GOLGB1: variants seen among roughly 807,000 people sequenced by gnomAD.
The protein encoded by GOLGB1 is golgin B1.
GOLGB1 carries 174 observed loss-of-function variants against 336.9 expected under a neutral mutation model. The ratio of observed to expected loss-of-function variants is 0.52; its 90% CI spans 0.46 to 0.59. GOLGB1 has a LOEUF of 0.59. GOLGB1 is among the 20% of genes least tolerant of loss of function. The pLI is 0.00. For synonymous variants in GOLGB1, 1,208 were observed against 1,289.2 expected (o/e 0.94, Z 1.35); for missense variants, 3,331 against 3,645.3 (o/e 0.91, Z 2.22).
chr3:121,731,940 A>C (rs1946150810), intron 1 of GOLGB1, among the ~76,000 whole-genome samples: 1 of 152,116 alleles, frequency 6.6e-6, no homozygotes, highest in Admixed American at 6.5e-5. Flanking sequence ...GATGACCAAG[A>C]AAAAAACAGA....
rs767513458 is a variant in GOLGB1, at chr3:121,696,437, C to G, written c.4086G>C (p.Lys1362Asn). 2 of 1,614,048 alleles carry G rather than the reference C, an allele frequency of 1.2e-6. No individual in the cohort carries two copies. Among genetic ancestry groups the G allele is most frequent in the Admixed American group, 1.7e-5 (1 of 60,030 alleles). The change falls in exon 13 of 22, where the codon AAG becomes AAC. Residue 1362 changes from lysine to asparagine, a missense_variant. Transcript: ENST00000614479. Reference protein sequence around the residue: ...NKQGLEIESLKTVSHEAEVHA... With the variant: ...NKQGLEIESLNTVSHEAEVHA... ...GGACTTCAGCTTCATGGGATACTGT[C>G]TTTAGACTCTCGATTTCTAAACCCT...
chr3:121,683,795 C>T (rs539242440), intron 14 of GOLGB1, among the ~76,000 whole-genome samples: 1 of 151,920 alleles, frequency 6.6e-6, no homozygotes, highest in Admixed American at 6.5e-5. Context: ...TATAAGAAAA[C>T]GTCAAAAAAC....
At chr3:121,673,643 T>G (rs997749208) in intron 17 of GOLGB1, among the ~76,000 whole-genome samples, 10 of 152,190 alleles carry the variant, frequency 6.6e-5, no homozygotes, top group Non-Finnish European at 1.3e-4. Flanking sequence ...TTAAATTGAT[T>G]CCTAAGTATT....
chr3:121,689,413 G>A (rs1470022679), intron 14 of GOLGB1, among the ~76,000 whole-genome samples: 1 of 151,016 alleles, frequency 6.6e-6, no homozygotes, highest in Non-Finnish European at 1.5e-5. Flanking sequence ...GATTAAGGGC[G>A]GTGCAAGATG....
At chr3:121,700,639 C>A (rs1051175492) in intron 11 of GOLGB1, among the ~76,000 whole-genome samples, 3 of 152,068 alleles carry the variant, frequency 2.0e-5, no homozygotes, top group Non-Finnish European at 2.9e-5. Flanking sequence ...TGTATTGCCC[C>A]CTTTTTGTTC....
intron 9 of GOLGB1, among the ~76,000 whole-genome samples, chr3:121,715,992 C>T (rs76692414): frequency 7.1e-6 from 1 of 141,138 alleles, no homozygotes; most frequent in Admixed American, 7.2e-5. Flanking sequence ...AACTCTGTCA[C>T]AAAAAAAAAA....
intron 15 of GOLGB1, among the ~76,000 whole-genome samples, chr3:121,678,968 T>C (rs1940747487): frequency 6.6e-6 from 1 of 152,108 alleles, no homozygotes; most frequent in Non-Finnish European, 1.5e-5. Context: ...AATCTTGGGA[T>C]TAAATTTGTC....
At position 121,695,999 on chromosome 3, in the gene GOLGB1, T is replaced by C; in HGVS notation, c.4524A>G (p.Gln1508=). ...TACCTCTGGCCAAAGACAATTCCTC[T>C]TGGAGACTTTTGTTTTCTTTTAGTG... ...KEALKENKSL[Q]EELSLARGTI... Residue 1508 remains glutamine, a synonymous_variant, in exon 13 of 22, where the codon CAA becomes CAG. Transcript: ENST00000614479. 6.2e-7 allele frequency: 1 copy of C among 1,614,148 alleles called. No individual in the cohort carries two copies. The highest frequency in any genetic ancestry group is 1.3e-5 in the African/African-American group (1 of 75,058).
At chr3:121,731,349 G>T (rs1946099232) in intron 1 of GOLGB1, among the ~76,000 whole-genome samples, 2 of 151,608 alleles carry the variant, frequency 1.3e-5, no homozygotes, top group African/African-American at 2.4e-5. Flanking sequence ...TTACAAACAT[G>T]AATTTCTTTT....
At chr3:121,674,922 G>A (rs1307518047) in intron 17 of GOLGB1, among the ~76,000 whole-genome samples, 4 of 142,626 alleles carry the variant, frequency 2.8e-5, no homozygotes, top group Admixed American at 7.5e-5. Flanking sequence ...TGCAAGCTCC[G>A]CTTCCCGGGT....
In GOLGB1 at chr3:121,718,526, A is replaced by G. The variant is rs1269523640; in HGVS notation, c.772-25T>C. ...TCTGAGAAGAAAACATTTTAGACAT[A>G]ATATGCTAACAAATGAGTGCTTGTA... On this transcript the variant is annotated intron_variant, in intron 7 of 21. Coordinates refer to ENST00000614479, the MANE Select transcript of GOLGB1 (RefSeq NM_001366282.2). The G allele has an allele frequency of 4.2e-6, 6 of 1,412,012 alleles. No individual in the cohort carries two copies. The Admixed American group carries it at 6.8e-5, about 16-fold the overall frequency. 87.5% of individuals were successfully genotyped at this position (1,412,012 alleles called of 1,614,324 possible).
intron 15 of GOLGB1, among the ~76,000 whole-genome samples, chr3:121,679,744 G>A (rs911667713): frequency 6.6e-6 from 1 of 152,148 alleles, no homozygotes; most frequent in Non-Finnish European, 1.5e-5. Context: ...TATGGAGCTT[G>A]GACTCTTACA....
At chr3:121,673,046 T>C (rs1939773239) in intron 17 of GOLGB1, among the ~76,000 whole-genome samples, 1 of 151,956 alleles carries the variant, frequency 6.6e-6, no homozygotes, top group African/African-American at 2.4e-5. Context: ...GCTTCCAGCT[T>C]TGTTTTGTGT....
intron 2 of GOLGB1, chr3:121,730,273 A>C: frequency 3.0e-6 from 1 of 330,718 alleles, no homozygotes; most frequent in Non-Finnish European, 5.5e-6. Context: ...AAATAAAGGA[A>C]AGCAAAAATC....
chr3:121,704,345 A>G (rs910687760), intron 10 of GOLGB1, among the ~76,000 whole-genome samples: 1 of 152,184 alleles, frequency 6.6e-6, no homozygotes, highest in African/African-American at 2.4e-5. Context: ...AGTACTTCAT[A>G]GACAAGGATA....
chr3:121,689,313 A>T (rs1381116897), intron 14 of GOLGB1, among the ~76,000 whole-genome samples: 3 of 151,790 alleles, frequency 2.0e-5, no homozygotes, highest in Non-Finnish European at 4.4e-5. Flanking sequence ...CTAAGAAAAA[A>T]TCTTCGGCCT....
intron 14 of GOLGB1, among the ~76,000 whole-genome samples, chr3:121,684,951 G>A (rs896161536): frequency 6.6e-6 from 1 of 152,180 alleles, no homozygotes; most frequent in Non-Finnish European, 1.5e-5. Flanking sequence ...GGTACTCCAG[G>A]AGAATTTTCT....
At chr3:121,729,617 A>C (rs769571160) in intron 3 of GOLGB1, among the ~76,000 whole-genome samples, 1 of 151,876 alleles carries the variant, frequency 6.6e-6, no homozygotes, top group Non-Finnish European at 1.5e-5. Context: ...GGGTCTCACT[A>C]TGTTGCCCAG....
intron 14 of GOLGB1, among the ~76,000 whole-genome samples, chr3:121,688,999 C>G (rs535547551): frequency 9.9e-4 from 150 of 152,004 alleles, no homozygotes; most frequent in African/African-American, 3.2e-3. Context: ...GCAGCCACCC[C>G]CTCCGGGAGG....
Sources: gnomAD v4.1 joint callset for allele counts (sites outside exome capture counted in the v4.1 genomes callset) on GRCh38, gnomAD v4.1.1 for gene constraint, MANE v1.5 for transcripts, NCBI Gene and HGNC (gene_info 2026-07-23, HGNC 2026-07-21) for gene names.